Variants in GALNTL6 observed in about 807,000 individuals in gnomAD.
GALNTL6 encodes the protein polypeptide N-acetylgalactosaminyltransferase-like 6.
In GALNTL6, 46 loss-of-function variants were observed where a neutral mutation model predicts 73.7. That is an observed-to-expected ratio of 0.62 (90% confidence interval 0.49 to 0.80). The LOEUF (loss-of-function observed/expected upper bound fraction) is 0.80. Among genes scored for constraint, GALNTL6 ranks in the 30% least tolerant of loss-of-function variants. GALNTL6 has a pLI of 0.00. For missense variants in GALNTL6, 604 were observed against 755.0 expected, an observed-to-expected ratio of 0.80 and a Z score of 2.34; for synonymous variants, 259 against 263.7, an observed-to-expected ratio of 0.98 and a Z score of 0.17.
intron 2 of GALNTL6, among the ~76,000 whole-genome samples, chr4:172,072,635 T>G (rs1206239019): frequency 6.6e-6 from 1 of 152,194 alleles, no homozygotes; most frequent in Non-Finnish European, 1.5e-5. Context: ...ATGACACTTC[T>G]GTTGACTTTG....
intron 2 of GALNTL6, among the ~76,000 whole-genome samples, chr4:172,160,909 CAT>C (rs1389369222): frequency 7.3e-3 from 384 of 52,600 alleles, no homozygotes; most frequent in African/African-American, 0.034. Context: ...CACACACACA[CAT>C]ACACACACAC....
intron 2 of GALNTL6, among the ~76,000 whole-genome samples, chr4:172,160,907 C>T (rs1010413188): frequency 1.7e-4 from 9 of 54,076 alleles, no homozygotes; most frequent in African/African-American, 7.2e-4. Context: ...CACACACACA[C>T]ACATACACAC....
chr4:172,087,938 A>G (rs938370625), intron 2 of GALNTL6, among the ~76,000 whole-genome samples: 3 of 152,166 alleles, frequency 2.0e-5, no homozygotes, highest in African/African-American at 7.2e-5. Context: ...TGTTCAATCA[A>G]ATACTTTCTT....
chr4:172,807,307 T>C (rs1442434662), intron 5 of GALNTL6, among the ~76,000 whole-genome samples: 1 of 152,268 alleles, frequency 6.6e-6, no homozygotes, highest in Non-Finnish European at 1.5e-5. Flanking sequence ...CCACAACTTC[T>C]TCCTTTAATT....
intron 2 of GALNTL6, among the ~76,000 whole-genome samples, chr4:172,110,079 A>G (rs1209995302): frequency 6.6e-6 from 1 of 152,154 alleles, no homozygotes; most frequent in African/African-American, 2.4e-5. Context: ...TCTTTCTTTT[A>G]TGAGTTATCT....
intron 2 of GALNTL6, among the ~76,000 whole-genome samples, chr4:172,038,356 CT>C (rs965676349): frequency 1.3e-5 from 2 of 151,874 alleles, no homozygotes; most frequent in Non-Finnish European, 2.9e-5. Context: ...AATAGATTGT[CT>C]TTTCTTCAAC....
intron 5 of GALNTL6, among the ~76,000 whole-genome samples, chr4:172,531,208 C>T (rs1735158574): frequency 6.6e-6 from 1 of 152,168 alleles, no homozygotes; most frequent in South Asian, 2.1e-4. Context: ...GAGACTAATT[C>T]ATTCTTCATC....
intron 2 of GALNTL6, among the ~76,000 whole-genome samples, chr4:171,870,341 C>T (rs6854192): frequency 0.21 from 31,603 of 151,932 alleles, 3,898 homozygotes; most frequent in African/African-American, 0.34. Context: ...AATGCAGATA[C>T]GATAGAACAC....
intron 2 of GALNTL6, among the ~76,000 whole-genome samples, chr4:171,899,811 G>C (rs1737028184): frequency 6.6e-6 from 1 of 152,028 alleles, no homozygotes; most frequent in Non-Finnish European, 1.5e-5. Context: ...ACTTATTGCA[G>C]GTCTTTCTTA....
chr4:171,868,824 G>T (rs1736046886), intron 2 of GALNTL6, among the ~76,000 whole-genome samples: 1 of 152,086 alleles, frequency 6.6e-6, no homozygotes, highest in African/African-American at 2.4e-5. Flanking sequence ...CAGGATTACA[G>T]GCGTGGGCCC....
intron 2 of GALNTL6, among the ~76,000 whole-genome samples, chr4:172,001,991 C>A (rs1221118083): frequency 6.6e-6 from 1 of 152,136 alleles, no homozygotes; most frequent in Non-Finnish European, 1.5e-5. Context: ...TTTAAAACTC[C>A]CCAAGCCATC....
At chr4:172,453,623 C>T (rs1192413831) in intron 5 of GALNTL6, among the ~76,000 whole-genome samples, 1 of 152,166 alleles carries the variant, frequency 6.6e-6, no homozygotes, top group Non-Finnish European at 1.5e-5. Context: ...TGCTTTTCAC[C>T]ATCTGAAATT....
chr4:171,910,506 AT>A (rs1165338548), intron 2 of GALNTL6, among the ~76,000 whole-genome samples: 3 of 151,986 alleles, frequency 2.0e-5, no homozygotes, highest in Admixed American at 2.0e-4. Context: ...TTTTTTAATC[AT>A]TAAAGCACCC....
At chr4:172,498,425 C>T (rs1734146605) in intron 5 of GALNTL6, among the ~76,000 whole-genome samples, 4 of 152,028 alleles carry the variant, frequency 2.6e-5, no homozygotes, top group Non-Finnish European at 5.9e-5. Flanking sequence ...TAAATGTGTA[C>T]TCTATAGTAT....
At chr4:172,047,461 G>A (rs1460807931) in intron 2 of GALNTL6, among the ~76,000 whole-genome samples, 2 of 152,066 alleles carry the variant, frequency 1.3e-5, no homozygotes, top group African/African-American at 2.4e-5. Flanking sequence ...GAATTTTGCC[G>A]TGCTTTCCTC....
intron 2 of GALNTL6, among the ~76,000 whole-genome samples, chr4:172,104,882 T>C (rs537311256): frequency 9.2e-5 from 14 of 152,262 alleles, no homozygotes; most frequent in African/African-American, 3.4e-4. Context: ...CTGGTAGATA[T>C]GGATGTGAAA....
At chr4:172,452,961 G>A (rs1360644740) in intron 5 of GALNTL6, among the ~76,000 whole-genome samples, 2 of 152,140 alleles carry the variant, frequency 1.3e-5, no homozygotes, top group Admixed American at 6.6e-5. Context: ...CCAAAACTTC[G>A]GGAGGCCGAA....
intron 5 of GALNTL6, among the ~76,000 whole-genome samples, chr4:172,606,606 ATATAC>A (rs1560832212): frequency 1.8e-4 from 19 of 104,244 alleles, no homozygotes; most frequent in Admixed American, 1.3e-3. Context: ...ATATATACAT[ATATAC>A]ATATATAGTA....
chr4:172,422,382 TATA>T (rs35423039), intron 5 of GALNTL6, among the ~76,000 whole-genome samples: 93,932 of 151,434 alleles, frequency 0.62, 30,776 homozygotes, highest in South Asian at 0.81. Flanking sequence ...CTATTATTTT[TATA>T]ATAACAGGTT....
Sources: allele counts gnomAD v4.1 joint callset (sites outside exome capture counted in the v4.1 genomes callset), GRCh38; gene constraint gnomAD v4.1.1; transcripts MANE v1.5; gene names NCBI Gene and HGNC (gene_info 2026-07-23, HGNC 2026-07-21).